METTL24: variants seen among roughly 807,000 people sequenced by gnomAD.
The protein encoded by METTL24 is probable methyltransferase-like protein 24.
A neutral mutation model predicts 32.7 loss-of-function variants in METTL24; 29 were observed. The observed-to-expected ratio is 0.89, with a 90% CI of 0.66 to 1.21. The LOEUF is 1.21. Among genes scored for constraint, METTL24 ranks in the 50% most tolerant of loss-of-function variants. The probability of loss-of-function intolerance (pLI) is 0.00; values close to 1 mark genes in which losing one functional copy is unlikely to be tolerated. For missense variants in METTL24, 439 were observed against 468.1 expected, an observed-to-expected ratio of 0.94 and a Z score of 0.57; for synonymous variants, 163 against 179.5, an observed-to-expected ratio of 0.91 and a Z score of 0.73.
At chr6:110,333,140 T>C (rs937640904) in intron 1 of METTL24, among the ~76,000 whole-genome samples, 7 of 152,150 alleles carry the variant, frequency 4.6e-5, no homozygotes, top group African/African-American at 1.7e-4. Context: ...AACACCAATC[T>C]GCTATGTTCA....
chr6:110,302,550 T>TACACACACAC (rs1430206978), intron 3 of METTL24, among the ~76,000 whole-genome samples: 44 of 108,434 alleles, frequency 4.1e-4, no homozygotes, highest in African/African-American at 2.3e-3. Context: ...TACACACACA[T>TACACACACAC]ATGTGTATAT....
chr6:110,336,545 C>A (rs912828202), intron 1 of METTL24, among the ~76,000 whole-genome samples: 7 of 152,008 alleles, frequency 4.6e-5, no homozygotes, highest in African/African-American at 1.7e-4. Flanking sequence ...TAGAGACCAT[C>A]CTGGCTAACA....
At chr6:110,357,849 G>A (rs1438330805) in intron 1 of METTL24, 106 bp downstream of exon 1, 3 of 469,662 alleles carry the variant, frequency 6.4e-6, no homozygotes, top group East Asian at 7.0e-5. Context: ...GGAAGCCTCC[G>A]GAGGTCCCAT....
chr6:110,356,804 A>G (rs1431688006), intron 1 of METTL24, among the ~76,000 whole-genome samples: 1 of 152,244 alleles, frequency 6.6e-6, no homozygotes, highest in Non-Finnish European at 1.5e-5. Context: ...TGCGAGATAG[A>G]AAAAGGTATT....
At chr6:110,324,624 A>G (rs968575712) in intron 1 of METTL24, among the ~76,000 whole-genome samples, 3 of 152,230 alleles carry the variant, frequency 2.0e-5, no homozygotes, top group African/African-American at 7.2e-5. Flanking sequence ...TCATGTAGCC[A>G]GTCTTCCCTG....
At chr6:110,325,608 A>C (rs934539650) in intron 1 of METTL24, among the ~76,000 whole-genome samples, 3 of 152,166 alleles carry the variant, frequency 2.0e-5, no homozygotes, top group African/African-American at 7.2e-5. Flanking sequence ...GTGCTTTGGC[A>C]TGGTATGAAC....
At chr6:110,262,292 C>T (rs1278253566) in intron 4 of METTL24, among the ~76,000 whole-genome samples, 2 of 152,120 alleles carry the variant, frequency 1.3e-5, no homozygotes, top group Non-Finnish European at 2.9e-5. Flanking sequence ...GATATCACCA[C>T]CGATCCCACA....
intron 1 of METTL24, among the ~76,000 whole-genome samples, chr6:110,348,181 C>T (rs747112052): frequency 4.6e-5 from 7 of 152,190 alleles, no homozygotes; most frequent in Non-Finnish European, 8.8e-5. Flanking sequence ...TTCCTGCTCT[C>T]GTTTCATCTT....
chr6:110,327,764 G>A (rs1381788080), intron 1 of METTL24, among the ~76,000 whole-genome samples: 1 of 152,112 alleles, frequency 6.6e-6, no homozygotes, highest in Non-Finnish European at 1.5e-5. Flanking sequence ...AACGTCAATG[G>A]CAGGTTAAAT....
chr6:110,250,283 C>T (rs990832699), intron 4 of METTL24, among the ~76,000 whole-genome samples: 2 of 151,898 alleles, frequency 1.3e-5, no homozygotes, highest in Non-Finnish European at 2.9e-5. Flanking sequence ...CCTGGCTTCC[C>T]GTGGCTTGCT....
intron 3 of METTL24, among the ~76,000 whole-genome samples, chr6:110,300,482 G>A (rs1295479699): frequency 2.0e-5 from 3 of 147,006 alleles, no homozygotes; most frequent in Non-Finnish European, 3.0e-5. Context: ...GCATAGTGGC[G>A]TGATCTCAGC....
chr6:110,248,228 C>T (rs1778206087), intron 4 of METTL24, among the ~76,000 whole-genome samples: 1 of 152,204 alleles, frequency 6.6e-6, no homozygotes, highest in Non-Finnish European at 1.5e-5. Context: ...AGCCTCTTTG[C>T]TTTATAAATT....
At chr6:110,315,219 A>C in intron 3 of METTL24, 123 bp downstream of exon 3, 2 of 1,127,092 alleles carry the variant, frequency 1.8e-6, no homozygotes, top group South Asian at 2.8e-5. Context: ...TGAAATGATG[A>C]CAGGAGGCAA....
intron 4 of METTL24, among the ~76,000 whole-genome samples, chr6:110,296,889 C>T (rs1771429622): frequency 6.6e-6 from 1 of 152,170 alleles, no homozygotes; most frequent in Admixed American, 6.5e-5. Flanking sequence ...GTGCTTGCTA[C>T]ACGACACAAA....
intron 4 of METTL24, among the ~76,000 whole-genome samples, chr6:110,295,817 G>GGAAGGAAGGAAGGAAGGAAGGAAA (rs1562228521): frequency 1.6e-4 from 25 of 151,586 alleles, no homozygotes; most frequent in African/African-American, 5.8e-4. Context: ...AAGGAAGGAA[G>GGAAGGAAGGAAGGAAGGAAGGAAA]GAAGGAAGGA....
Position 110,246,045 on chromosome 6 carries a change from ACTGTGAAAAAGC to A in METTL24, c.990_1001del (p.Arg330_His333del). 6.2e-7 allele frequency: 1 copy of A among 1,614,192 alleles called. No individual in the cohort carries two copies. Among genetic ancestry groups the A allele is most frequent in the Non-Finnish European group, 8.5e-7 (1 of 1,180,022 alleles). On this transcript the variant is annotated inframe_deletion, in exon 5 of 5. Coordinates refer to ENST00000338882, the MANE Select transcript of METTL24 (RefSeq NM_001123364.3). ...GCTGAGGTTTAGATAAGTCTTTGTA[ACTGTGAAAAAGC>A]CTGAAATCCTTTTGTTCTAACTCTT...
At chr6:110,331,846 C>G (rs915589509) in intron 1 of METTL24, among the ~76,000 whole-genome samples, 2 of 152,132 alleles carry the variant, frequency 1.3e-5, no homozygotes, top group African/African-American at 4.8e-5. Flanking sequence ...AAAACTGAGC[C>G]TCTGCTAATC....
At chr6:110,340,805 C>T (rs1006679321) in intron 1 of METTL24, among the ~76,000 whole-genome samples, 2 of 152,158 alleles carry the variant, frequency 1.3e-5, no homozygotes, top group African/African-American at 4.8e-5. Flanking sequence ...CAGCATTCCC[C>T]CGTACACAGC....
At chr6:110,263,472 G>T (rs1218534719) in intron 4 of METTL24, among the ~76,000 whole-genome samples, 2 of 152,108 alleles carry the variant, frequency 1.3e-5, no homozygotes, top group Non-Finnish European at 2.9e-5. Context: ...AATAAAAGAG[G>T]ATACAAACAA....
Sources: allele counts gnomAD v4.1 joint callset (sites outside exome capture counted in the v4.1 genomes callset), GRCh38; gene constraint gnomAD v4.1.1; transcripts MANE v1.5; gene names NCBI Gene and HGNC (gene_info 2026-07-23, HGNC 2026-07-21).